Variants in EXOC6 observed in about 807,000 individuals in gnomAD.
EXOC6 encodes exocyst complex component 6.
Under a neutral mutation model 112.5 loss-of-function variants are expected in EXOC6, and 60 were observed. That is an observed-to-expected ratio of 0.53 (90% CI 0.43 to 0.66). The LOEUF (loss-of-function observed/expected upper bound fraction) is 0.66. Among genes scored for constraint, EXOC6 ranks in the 30% least tolerant of loss-of-function variants. EXOC6 has a pLI of 0.00. For missense variants in EXOC6, 855 were observed against 957.1 expected, an observed-to-expected ratio of 0.89 and a Z score of 1.41; for synonymous variants, 295 against 308.0, an observed-to-expected ratio of 0.96 and a Z score of 0.44.
intron 1 of EXOC6, among the ~76,000 whole-genome samples, chr10:92,866,371 T>C (rs1848176459): frequency 6.6e-6 from 1 of 152,146 alleles, no homozygotes; most frequent in African/African-American, 2.4e-5. Context: ...GTGGCAAAAC[T>C]GAACACTTTC....
At chr10:92,830,372 G>A (rs1401917292), upstream of EXOC6, among the ~76,000 whole-genome samples, 2 of 152,096 alleles carry the variant, frequency 1.3e-5, no homozygotes, top group African/African-American at 4.8e-5. Flanking sequence ...GTTCTAGAGG[G>A]ACAGGGGTTC....
At chr10:92,955,469 A>G in intron 16 of EXOC6, 111 bp from the exon 17 acceptor site, 1 of 853,454 alleles carries the variant, frequency 1.2e-6, no homozygotes, top group Admixed American at 2.4e-5. Flanking sequence ...ATAATGCTGC[A>G]ATTATGTAGA....
chr10:93,009,141 G>A (rs1224410080), intron 19 of EXOC6, among the ~76,000 whole-genome samples: 1 of 152,056 alleles, frequency 6.6e-6, no homozygotes, highest in Non-Finnish European at 1.5e-5. Flanking sequence ...TTGAGCCCAG[G>A]AGGTTGAGGG....
chr10:92,933,234 G>A (rs552426530), intron 9 of EXOC6, among the ~76,000 whole-genome samples: 1 of 152,222 alleles, frequency 6.6e-6, no homozygotes, highest in East Asian at 1.9e-4. Context: ...CACAAGTATA[G>A]TGAGTTTTAA....
Position 92,947,759 on chromosome 10 carries a change from G to T in EXOC6, c.1311-515G>T, listed in dbSNP as rs190972945. ...CCCTTCTTTACTAAAAATAAAATTA[G>T]CCAGGCGTGGTGGCACGCGCCTGTA... On this transcript the variant is annotated intron_variant, in intron 13 of 21. Transcript: ENST00000260762. 3.8e-3 allele frequency among the ~76,000 whole-genome samples: 585 copies of T among 152,210 alleles called. 4 individuals are homozygous for T. The highest frequency in any genetic ancestry group is 0.013 in the African/African-American group (538 of 41,546).
intron 18 of EXOC6, among the ~76,000 whole-genome samples, chr10:92,981,551 GAAGTA>G (rs1478396787): frequency 6.6e-6 from 1 of 152,136 alleles, no homozygotes; most frequent in Non-Finnish European, 1.5e-5. Context: ...TTTTATGGTA[GAAGTA>G]AATAGAAGAT....
At chr10:93,012,140 A>G (rs1844278970) in intron 19 of EXOC6, among the ~76,000 whole-genome samples, 1 of 152,220 alleles carries the variant, frequency 6.6e-6, no homozygotes, top group African/African-American at 2.4e-5. Context: ...AAAACCTATT[A>G]ACCTTACTAG....
intron 13 of EXOC6, among the ~76,000 whole-genome samples, chr10:92,944,840 T>TCA (rs930677958): frequency 5.9e-5 from 9 of 151,314 alleles, no homozygotes; most frequent in Non-Finnish European, 1.2e-4. Flanking sequence ...TGGTGCAATC[T>TCA]CAGCTCACTG....
chr10:92,871,846 C>G (rs1848464640), intron 1 of EXOC6, among the ~76,000 whole-genome samples: 1 of 151,876 alleles, frequency 6.6e-6, no homozygotes, highest in African/African-American at 2.4e-5. Flanking sequence ...AATTTCTTCT[C>G]TTTCAATGGT....
intron 17 of EXOC6, among the ~76,000 whole-genome samples, chr10:92,972,150 T>C (rs956973373): frequency 2.0e-5 from 3 of 152,164 alleles, no homozygotes; most frequent in Non-Finnish European, 4.4e-5. Context: ...GGGTGTGTCT[T>C]AAACACTGAG....
intron 19 of EXOC6, among the ~76,000 whole-genome samples, chr10:93,006,745 G>T (rs1247520244): frequency 2.0e-5 from 3 of 152,114 alleles, no homozygotes; most frequent in African/African-American, 7.2e-5. Context: ...GTTCTTACTA[G>T]CTACTTTAAT....
chr10:93,038,379 C>T (rs1005459516), intron 20 of EXOC6, among the ~76,000 whole-genome samples: 2 of 152,162 alleles, frequency 1.3e-5, no homozygotes, highest in African/African-American at 4.8e-5. Flanking sequence ...ATTGGCTACA[C>T]ATACAAATAA....
chr10:92,958,483 C>CT (rs1028238765), intron 17 of EXOC6, among the ~76,000 whole-genome samples: 31 of 151,992 alleles, frequency 2.0e-4, no homozygotes, highest in African/African-American at 2.9e-4. Flanking sequence ...TCTAACTTGC[C>CT]TTTTTTTTGT....
intron 1 of EXOC6, among the ~76,000 whole-genome samples, chr10:92,839,388 C>T (rs185424574): frequency 2.0e-5 from 3 of 152,284 alleles, no homozygotes. Flanking sequence ...CCCTGTTTTA[C>T]TCAGTATTAT....
intron 18 of EXOC6, among the ~76,000 whole-genome samples, chr10:92,995,153 A>G (rs889241973): frequency 1.3e-5 from 2 of 152,136 alleles, no homozygotes; most frequent in South Asian, 2.1e-4. Flanking sequence ...AAGAAATTCA[A>G]TGTTAGGATT....
chr10:92,954,216 G>T (rs985988006), intron 15 of EXOC6, among the ~76,000 whole-genome samples: 2 of 152,106 alleles, frequency 1.3e-5, no homozygotes, highest in African/African-American at 4.8e-5. Context: ...GGACTTTGGG[G>T]CTACAGTGAG....
Position 92,955,687 on chromosome 10 carries a change from A to G in EXOC6, c.1746A>G (p.Thr582=). The change falls in exon 17 of 22, where the codon ACA becomes ACG. Residue 582 remains threonine (T), a synonymous_variant. Transcript: ENST00000260762. ...TTTCCCAAGAAACTGTTCATACTAC[A>G]AGACTTTATGGACTTTCTACTTTCA... is the stretch of plus-strand genomic sequence containing the variant. ...TNISQETVHT[T]RLYGLSTFKD... 1.9e-6 allele frequency: 3 copies of G among 1,611,788 alleles called. No homozygotes were observed. The highest frequency in any genetic ancestry group is 2.5e-6 in the Non-Finnish European group (3 of 1,179,026).
At chr10:93,024,343 C>G (rs1844921465) in intron 20 of EXOC6, among the ~76,000 whole-genome samples, 3 of 152,102 alleles carry the variant, frequency 2.0e-5, no homozygotes, top group African/African-American at 4.8e-5. Context: ...ACTGATTTCT[C>G]AAGATGAGAA....
At chr10:92,949,258 T>C (rs1853245532) in intron 14 of EXOC6, among the ~76,000 whole-genome samples, 1 of 152,218 alleles carries the variant, frequency 6.6e-6, no homozygotes, top group South Asian at 2.1e-4. Flanking sequence ...TAAATTTTTG[T>C]TGTATTTTTA....
Sources: allele counts gnomAD v4.1 joint callset (sites outside exome capture counted in the v4.1 genomes callset), GRCh38; gene constraint gnomAD v4.1.1; transcripts MANE v1.5; gene names NCBI Gene and HGNC (gene_info 2026-07-23, HGNC 2026-07-21).